The following LARGE1 variants were observed in gnomAD, a reference collection of about 807,000 sequenced individuals.
LARGE1 encodes the protein LARGE xylosyl- and glucuronyltransferase 1.
Under a neutral mutation model 87.6 loss-of-function variants are expected in LARGE1, and 43 were observed. That is an observed-to-expected ratio of 0.49 (90% CI 0.38 to 0.63). LARGE1 has a LOEUF of 0.63. Among genes scored for constraint, LARGE1 ranks in the 30% least tolerant of loss-of-function variants. The probability of loss-of-function intolerance (pLI) is 0.00; values close to 1 mark genes in which losing one functional copy is unlikely to be tolerated. For synonymous variants in LARGE1, 434 were observed against 394.6 expected (o/e 1.10, Z -1.18); for missense variants, 802 against 1,000.2 (o/e 0.80, Z 2.67).
intron 1 of LARGE1, among the ~76,000 whole-genome samples, chr22:33,897,432 A>C (rs564025594): frequency 3.9e-5 from 6 of 152,296 alleles, no homozygotes; most frequent in African/African-American, 1.4e-4. Flanking sequence ...GTCCCAAAGT[A>C]GCATAAAACG....
intron 14 of LARGE1, among the ~76,000 whole-genome samples, chr22:33,276,221 A>AAAAG (rs1491254944): frequency 1.6e-5 from 2 of 127,740 alleles, no homozygotes; most frequent in African/African-American, 8.5e-5. Context: ...AAAAGAAAAG[A>AAAAG]AAAAAAAAAA....
the LARGE1 span, among the ~76,000 whole-genome samples, chr22:33,067,755 A>C: frequency 6.6e-6 from 1 of 152,044 alleles, no homozygotes; most frequent in African/African-American, 2.4e-5. Flanking sequence ...GCCAAGGCGG[A>C]TGGATCACGA....
At chr22:33,106,216 G>A in the LARGE1 span, among the ~76,000 whole-genome samples, 1 of 152,190 alleles carries the variant, frequency 6.6e-6, no homozygotes, top group East Asian at 1.9e-4. Context: ...CTGCTGTCCA[G>A]GCATCTGGGA....
chr22:33,760,527 C>T (rs902621904), intron 2 of LARGE1, among the ~76,000 whole-genome samples: 13 of 152,308 alleles, frequency 8.5e-5, no homozygotes, highest in Admixed American at 2.6e-4. Context: ...CAACGTGCCG[C>T]GATCATTTCT....
the LARGE1 span, among the ~76,000 whole-genome samples, chr22:33,070,588 A>G: frequency 1.3e-5 from 2 of 152,178 alleles, no homozygotes; most frequent in Non-Finnish European, 2.9e-5. Context: ...ACAGAGATAA[A>G]CAAAGCCTTG....
chr22:33,745,206 G>A (rs1163708048), intron 2 of LARGE1, among the ~76,000 whole-genome samples: 2 of 152,192 alleles, frequency 1.3e-5, no homozygotes, highest in Non-Finnish European at 2.9e-5. Context: ...GGACTGTTTG[G>A]AGCAAAGGTG....
rs527935076 is a variant in LARGE1 at position 33,541,420 on chromosome 22, T to C, written c.787+23428A>G. On this transcript the variant is annotated intron_variant, in intron 6 of 14. Coordinates refer to ENST00000397394, the MANE Select transcript of LARGE1 (RefSeq NM_133642.5). Reference sequence around the variant, plus strand: ...CAATTTTATAAAAGAATCCATCCTATATGCACAGAAAAGCATCTGAAATAT... The same window carrying C: ...CAATTTTATAAAAGAATCCATCCTACATGCACAGAAAAGCATCTGAAATAT... Among the ~76,000 whole-genome samples, 179 of 152,304 alleles carry C rather than the reference T, an allele frequency of 1.2e-3. 2 individuals are homozygous for C. Among genetic ancestry groups the C allele is most frequent in the Admixed American group, 2.0e-3 (31 of 15,300 alleles).
chr22:33,232,716 A>G (rs1158781624), intron 11 of LARGE1, among the ~76,000 whole-genome samples: 1 of 152,170 alleles, frequency 6.6e-6, no homozygotes, highest in African/African-American at 2.4e-5. Flanking sequence ...AGCAGTAAAG[A>G]GAAGAAAGCT....
At chr22:33,084,559 T>A in the LARGE1 span, among the ~76,000 whole-genome samples, 2 of 148,012 alleles carry the variant, frequency 1.4e-5, no homozygotes, top group Non-Finnish European at 3.0e-5. Flanking sequence ...GGAGCTGAGG[T>A]GGGAGGATTG....
chr22:33,299,049 T>G (rs558720174), intron 12 of LARGE1, among the ~76,000 whole-genome samples: 1 of 149,752 alleles, frequency 6.7e-6, no homozygotes, highest in African/African-American at 2.5e-5. Flanking sequence ...TCTTTACAAA[T>G]GGTAAAAAAA....
chr22:33,472,471 G>A (rs934178875), intron 6 of LARGE1, among the ~76,000 whole-genome samples: 5 of 152,068 alleles, frequency 3.3e-5, no homozygotes, highest in Non-Finnish European at 7.4e-5. Context: ...GATTCCTAGT[G>A]GGGTATTTTG....
At chr22:33,115,584 A>G in the LARGE1 span, among the ~76,000 whole-genome samples, 5 of 152,066 alleles carry the variant, frequency 3.3e-5, no homozygotes, top group Non-Finnish European at 5.9e-5. Context: ...TTGGGAGGTC[A>G]AGGCGGGGGA....
chr22:33,155,101 A>G, the LARGE1 span, among the ~76,000 whole-genome samples: 9 of 152,196 alleles, frequency 5.9e-5, no homozygotes, highest in Admixed American at 2.6e-4. Flanking sequence ...CAGTCTAGGT[A>G]TGTCTTTGTC....
At chr22:33,083,877 C>T in the LARGE1 span, among the ~76,000 whole-genome samples, 1 of 152,212 alleles carries the variant, frequency 6.6e-6, no homozygotes, top group African/African-American at 2.4e-5. Flanking sequence ...ACAGGGTTTA[C>T]TGCCTGAGTG....
intron 1 of LARGE1, among the ~76,000 whole-genome samples, chr22:33,919,102 G>GAA (rs5845124): frequency 0.053 from 6,806 of 127,230 alleles, 210 homozygotes; most frequent in Middle Eastern, 0.072. Context: ...GCACAGAGAC[G>GAA]AAAAAAAAAA....
intron 4 of LARGE1, among the ~76,000 whole-genome samples, chr22:33,613,337 T>C (rs1251681184): frequency 1.3e-5 from 2 of 152,198 alleles, no homozygotes; most frequent in African/African-American, 4.8e-5. Flanking sequence ...ATGAAAATAC[T>C]GCCCAGACCA....
intron 6 of LARGE1, among the ~76,000 whole-genome samples, chr22:33,535,627 G>C (rs776370104): frequency 6.6e-6 from 1 of 152,100 alleles, no homozygotes; most frequent in African/African-American, 2.4e-5. Flanking sequence ...AACTGGAGAA[G>C]AGGTAGGGGT....
chr22:33,701,898 A>G (rs1036988937), intron 2 of LARGE1, among the ~76,000 whole-genome samples: 1 of 152,218 alleles, frequency 6.6e-6, no homozygotes, highest in African/African-American at 2.4e-5. Flanking sequence ...AAGTAATCAG[A>G]TTCTTAGGGG....
chr22:33,284,639 G>A (rs961040653), intron 12 of LARGE1, among the ~76,000 whole-genome samples: 4 of 151,958 alleles, frequency 2.6e-5, no homozygotes, highest in African/African-American at 9.7e-5. Context: ...GTGCAGTGGT[G>A]CAATCTTGGC....
Sources: allele counts gnomAD v4.1 joint callset (sites outside exome capture counted in the v4.1 genomes callset), GRCh38; gene constraint gnomAD v4.1.1; transcripts MANE v1.5; gene names NCBI Gene and HGNC (gene_info 2026-07-23, HGNC 2026-07-21).